The following ARHGEF3 variants were observed in gnomAD, a reference collection of about 807,000 sequenced individuals.
ARHGEF3 encodes Rho guanine nucleotide exchange factor 3.
Under a neutral mutation model 63.2 loss-of-function variants are expected in ARHGEF3, and 28 were observed. The observed-to-expected ratio is 0.44, with a 90% CI of 0.33 to 0.61. The LOEUF is 0.61. Among genes scored for constraint, ARHGEF3 ranks in the 20% least tolerant of loss-of-function variants. ARHGEF3 has a pLI of 0.03. For synonymous variants in ARHGEF3, 266 were observed against 254.2 expected, an observed-to-expected ratio of 1.05 and a Z score of -0.44; for missense variants, 533 against 659.3, an observed-to-expected ratio of 0.81 and a Z score of 2.10.
At chr3:56,845,505 T>C (rs1362478039) in intron 4 of ARHGEF3, among the ~76,000 whole-genome samples, 2 of 152,242 alleles carry the variant, frequency 1.3e-5, no homozygotes, top group Admixed American at 6.5e-5. Flanking sequence ...AAATGAGTCC[T>C]ACAGCATTAT....
chr3:56,841,863 G>A (rs1321563816), intron 4 of ARHGEF3, among the ~76,000 whole-genome samples: 1 of 152,138 alleles, frequency 6.6e-6, no homozygotes, highest in Non-Finnish European at 1.5e-5. Flanking sequence ...ACAAGAAGTT[G>A]AACACTGAAC....
intron 3 of ARHGEF3, among the ~76,000 whole-genome samples, chr3:56,939,158 A>T (rs747499784): frequency 6.6e-6 from 1 of 152,164 alleles, no homozygotes; most frequent in Non-Finnish European, 1.5e-5. Flanking sequence ...AAATCCAATA[A>T]CAGGACTTTT....
chr3:56,886,219 A>T (rs2040921283), intron 3 of ARHGEF3, among the ~76,000 whole-genome samples: 1 of 152,230 alleles, frequency 6.6e-6, no homozygotes, highest in Non-Finnish European at 1.5e-5. Context: ...TAAGCCCATG[A>T]AGGCAGGACT....
chr3:56,951,987 G>T (rs1350619829), intron 3 of ARHGEF3, among the ~76,000 whole-genome samples: 2 of 151,806 alleles, frequency 1.3e-5, no homozygotes, highest in African/African-American at 4.9e-5. Flanking sequence ...TTCTAAGATG[G>T]TCCCCAAGAT....
chr3:56,777,812 T>G (rs2036357922), intron 1 of ARHGEF3, among the ~76,000 whole-genome samples: 1 of 152,212 alleles, frequency 6.6e-6, no homozygotes, highest in Non-Finnish European at 1.5e-5. Context: ...ATGTAGCCAC[T>G]GGCATAAGGA....
chr3:56,737,507 A>AC (rs1559888023), intron 7 of ARHGEF3, 152 bp from the exon 8 acceptor site: 3 of 582,732 alleles, frequency 5.1e-6, no homozygotes, highest in South Asian at 5.3e-5. Flanking sequence ...AAAAAAAAAA[A>AC]CATAAATACT....
At chr3:56,841,953 CT>C (rs1365846612) in intron 4 of ARHGEF3, among the ~76,000 whole-genome samples, 3 of 152,106 alleles carry the variant, frequency 2.0e-5, no homozygotes, top group Non-Finnish European at 4.4e-5. Flanking sequence ...TGCAAAAGAT[CT>C]TTTTTTCTTT....
At chr3:57,010,307 T>A (rs1438114826) in intron 2 of ARHGEF3, among the ~76,000 whole-genome samples, 1 of 151,876 alleles carries the variant, frequency 6.6e-6, no homozygotes, top group Non-Finnish European at 1.5e-5. Context: ...ACAAAAAAAA[T>A]TAGCCGGGCG....
chr3:56,915,806 GT>G (rs2041973113), intron 3 of ARHGEF3, among the ~76,000 whole-genome samples: 1 of 152,156 alleles, frequency 6.6e-6, no homozygotes, highest in South Asian at 2.1e-4. Context: ...CTAAAACTGA[GT>G]TTAGCCATCT....
At chr3:57,041,424 G>T (rs957061927) in intron 1 of ARHGEF3, among the ~76,000 whole-genome samples, 4 of 152,184 alleles carry the variant, frequency 2.6e-5, no homozygotes, top group Admixed American at 1.3e-4. Context: ...CACACCATCT[G>T]ATTCCAGAGC....
chr3:56,919,703 G>A (rs946810494), intron 3 of ARHGEF3, among the ~76,000 whole-genome samples: 2 of 152,152 alleles, frequency 1.3e-5, no homozygotes, highest in Non-Finnish European at 1.5e-5. Flanking sequence ...AGCGACTAAG[G>A]ATTTTTTATG....
intron 4 of ARHGEF3, among the ~76,000 whole-genome samples, chr3:56,819,221 A>G (rs758245878): frequency 2.6e-5 from 4 of 152,216 alleles, no homozygotes; most frequent in African/African-American, 4.8e-5. Flanking sequence ...GAATTAAAGA[A>G]CAAAAGAAAG....
intron 3 of ARHGEF3, among the ~76,000 whole-genome samples, chr3:56,911,434 G>A (rs1000714387): frequency 2.6e-5 from 4 of 152,030 alleles, no homozygotes; most frequent in Admixed American, 1.3e-4. Flanking sequence ...TGCCCACCCC[G>A]GCCAGTATCA....
Position 56,742,499 on chromosome 3 carries a change from TG to T in ARHGEF3, c.870+2705del, listed in dbSNP as rs538361506. Among the ~76,000 whole-genome samples, 53 of 152,334 alleles carry T rather than the reference TG, an allele frequency of 3.5e-4. 1 individual carries two copies. The highest frequency in any genetic ancestry group is 3.2e-3 in the Admixed American group (49 of 15,296). ...CGGAAGCAATTTACTTAGCGCTCTC[TG>T]ATTTTTCCCTTTTCATTGATGGGAA... On this transcript the variant is annotated intron_variant, in intron 7 of 9. Transcript: ENST00000296315.
chr3:56,915,344 T>C (rs1439688706), intron 3 of ARHGEF3, among the ~76,000 whole-genome samples: 1 of 152,044 alleles, frequency 6.6e-6, no homozygotes, highest in Non-Finnish European at 1.5e-5. Context: ...TGTATGCCTG[T>C]AGTCCCAGCT....
At chr3:56,794,549 T>C (rs1041182068) in intron 1 of ARHGEF3, among the ~76,000 whole-genome samples, 2 of 150,722 alleles carry the variant, frequency 1.3e-5, no homozygotes, top group African/African-American at 4.9e-5. Flanking sequence ...GAAGCAATGT[T>C]ACAACTAAGA....
At chr3:57,029,511 C>T (rs989329985) in intron 2 of ARHGEF3, among the ~76,000 whole-genome samples, 9 of 152,096 alleles carry the variant, frequency 5.9e-5, no homozygotes, top group African/African-American at 2.2e-4. Flanking sequence ...CCCAATCCAG[C>T]ACATCCCTGG....
chr3:56,760,600 G>A (rs1014134729), intron 2 of ARHGEF3, among the ~76,000 whole-genome samples: 2 of 152,202 alleles, frequency 1.3e-5, no homozygotes, highest in Non-Finnish European at 2.9e-5. Context: ...CAACCACCCT[G>A]CAAGTTGGGG....
chr3:56,734,694 G>A (rs1209826484), intron 8 of ARHGEF3, among the ~76,000 whole-genome samples: 1 of 151,976 alleles, frequency 6.6e-6, no homozygotes, highest in Non-Finnish European at 1.5e-5. Flanking sequence ...AAACCCATAG[G>A]TCTCCCACCC....
Sources: gnomAD v4.1 joint callset for allele counts (sites outside exome capture counted in the v4.1 genomes callset) on GRCh38, gnomAD v4.1.1 for gene constraint, MANE v1.5 for transcripts, NCBI Gene and HGNC (gene_info 2026-07-23, HGNC 2026-07-21) for gene names.